HIP1: variants seen among roughly 807,000 people sequenced by gnomAD.
HIP1 encodes the protein huntingtin interacting protein 1, also known as huntingtin-interacting protein 1.
A neutral mutation model predicts 147.6 loss-of-function variants in HIP1; 65 were observed. The observed-to-expected ratio is 0.44, with a 90% CI of 0.36 to 0.54. HIP1 has a LOEUF of 0.54. HIP1 is among the 20% of genes least tolerant of loss of function. The pLI, the probability that HIP1 is intolerant of heterozygous loss-of-function variation, is 0.00. For synonymous variants in HIP1, 479 were observed against 504.0 expected (o/e 0.95, Z 0.67); for missense variants, 1,061 against 1,299.6 (o/e 0.82, Z 2.82).
chr7:75,684,078 A>G (rs2117278359), intron 1 of HIP1, among the ~76,000 whole-genome samples: 1 of 152,132 alleles, frequency 6.6e-6, no homozygotes, highest in South Asian at 2.1e-4. Context: ...CAGGAGTTCG[A>G]GACCAGCCTG....
intron 1 of HIP1, among the ~76,000 whole-genome samples, chr7:75,677,662 T>C (rs1447413845): frequency 6.7e-6 from 1 of 148,410 alleles, no homozygotes; most frequent in Non-Finnish European, 1.5e-5. Context: ...AGGGAATCAC[T>C]AGACAGGTCA....
chr7:75,700,369 C>A (rs574534068), intron 1 of HIP1, among the ~76,000 whole-genome samples: 1 of 152,152 alleles, frequency 6.6e-6, no homozygotes, highest in Non-Finnish European at 1.5e-5. Context: ...CTTGGGAAAC[C>A]TTTTCTGTGG....
At chr7:75,545,641 CAAACA>C (rs782410901) in intron 25 of HIP1, among the ~76,000 whole-genome samples, 5 of 149,630 alleles carry the variant, frequency 3.3e-5, no homozygotes, top group Admixed American at 2.7e-4. Flanking sequence ...GATTCTGTCT[CAAACA>C]AAACAAAACA....
chr7:75,626,754 C>T (rs587725569), intron 1 of HIP1: 1 of 152,228 alleles, frequency 6.6e-6, no homozygotes, highest in East Asian at 1.9e-4. Context: ...TGGTATGGCC[C>T]CATTTTGTTT....
chr7:75,647,681 A>C (rs1244883854), intron 1 of HIP1, among the ~76,000 whole-genome samples: 1 of 152,234 alleles, frequency 6.6e-6, no homozygotes, highest in African/African-American at 2.4e-5. Flanking sequence ...CAGGGTGTGC[A>C]TGGCTGCTCC....
chr7:75,553,476 T>A lies in HIP1; in HGVS notation c.2272A>T (p.Ser758Cys). 1 of 1,614,182 alleles carries A rather than the reference T, an allele frequency of 6.2e-7. No individual in the cohort carries two copies. Among genetic ancestry groups the A allele is most frequent in the South Asian group, 1.1e-5 (1 of 91,092 alleles). ...ADSTAMRNCL[S>C]KIKAIGEELL... Reference sequence around the variant, plus strand: ...ACCTCGCCGATGGCCTTGATCTTGCTCAGGCAGTTCCTCATGGCTGTGCTG... The same window carrying A: ...ACCTCGCCGATGGCCTTGATCTTGCACAGGCAGTTCCTCATGGCTGTGCTG... The change falls in exon 22 of 31, where the codon AGC (serine) becomes TGC (cysteine). Residue 758 changes from serine to cysteine, a missense_variant. Around this residue, in one of 3 missense-constraint regions of HIP1, gnomAD observed 810 missense variants for 946.8 expected, o/e 0.86. Transcript: ENST00000336926.
At chr7:75,727,616 C>T (rs544138901) in intron 1 of HIP1, among the ~76,000 whole-genome samples, 2 of 151,880 alleles carry the variant, frequency 1.3e-5, no homozygotes, top group African/African-American at 2.4e-5. Context: ...GAAGCCCAGG[C>T]GGGTGGATCA....
Position 75,542,861 on chromosome 7 carries a change from G to A in HIP1, c.2880C>T (p.Ile960=), listed in dbSNP as rs377281782. The A allele has an allele frequency of 2.0e-5, 32 of 1,613,918 alleles. No individual in the cohort carries two copies. Among genetic ancestry groups the A allele is most frequent in the African/African-American group, 8.0e-5 (6 of 74,926 alleles). ...VASTISGKSQ[I]EETDNMDFSS... is the part of the protein sequence containing the mutation. ...CTTTGGAAAGGCTACCTGTCTCTTC[G>A]ATCTGTGATTTGCCGGAAATGGTTG... Residue 960 remains isoleucine (I), a synonymous_variant, in exon 28 of 31, where the codon ATC becomes ATT. Coordinates refer to ENST00000336926, the MANE Select transcript of HIP1 (RefSeq NM_005338.7).
intron 1 of HIP1, among the ~76,000 whole-genome samples, chr7:75,696,791 G>A (rs1800655092): frequency 6.6e-6 from 1 of 150,922 alleles, no homozygotes; most frequent in African/African-American, 2.4e-5. Context: ...GTAGAGATAG[G>A]GTTTCACCAT....
chr7:75,652,866 T>C (rs1554512173), intron 1 of HIP1, among the ~76,000 whole-genome samples: 2 of 152,120 alleles, frequency 1.3e-5, no homozygotes, highest in African/African-American at 4.8e-5. Context: ...AAGCTAAAAC[T>C]TACTTCTCCC....
rs1223142013 is a variant in HIP1, at chr7:75,664,091, CAT to C, written c.121-64846_121-64845del. On this transcript the variant is annotated intron_variant, in intron 1 of 30. Transcript: ENST00000336926. ...GTGTATATACACACACATATACACA[CAT>C]ATGTGCATACATACATGTATGCATA... Among the ~76,000 whole-genome samples, 3 of 68,370 alleles carry C rather than the reference CAT, an allele frequency of 4.4e-5. 1 individual carries two copies. The highest frequency in any genetic ancestry group is 8.8e-4 in the South Asian group (2 of 2,274). 44.9% of individuals were successfully genotyped at this position (68,370 alleles called of 152,430 possible).
rs151249237 is a variant in HIP1, at chr7:75,624,779, A to G, written c.121-25532T>C. Among the ~76,000 whole-genome samples the G allele has an allele frequency of 2.0e-3, 303 of 151,994 alleles. 1 individual carries two copies. Among genetic ancestry groups the G allele is most frequent in the African/African-American group, 7.0e-3 (290 of 41,462 alleles). On this transcript the variant is annotated intron_variant, in intron 1 of 30. Coordinates refer to ENST00000336926, the MANE Select transcript of HIP1 (RefSeq NM_005338.7). ...GACCCTCATGCCTTCTCTTCATGCC[A>G]CCTCTCTAACCAAGATTAACTACCC... is the stretch of plus-strand genomic sequence containing the variant.
At chr7:75,605,480 G>A (rs1797189356) in intron 1 of HIP1, among the ~76,000 whole-genome samples, 1 of 152,164 alleles carries the variant, frequency 6.6e-6, no homozygotes, top group Non-Finnish European at 1.5e-5. Context: ...GGCGGCAGCT[G>A]GGGTAGAGCT....
In HIP1 at chr7:75,597,282, C is replaced by T. The variant is rs587601878; in HGVS notation, c.184+1902G>A. 2.6e-5 allele frequency among the ~76,000 whole-genome samples: 4 copies of T among 152,302 alleles called. No homozygotes were observed. In the South Asian group the frequency reaches 8.3e-4, roughly 32 times the overall value. ...AGTTCATATATCACACTAAGCAATGCTGGGCTTCTCTGGCTATCTAACCTG... is the reference window on the plus strand; with the variant it reads ...AGTTCATATATCACACTAAGCAATGTTGGGCTTCTCTGGCTATCTAACCTG... On this transcript the variant is annotated intron_variant, in intron 2 of 30. Transcript: ENST00000336926.
intron 1 of HIP1, among the ~76,000 whole-genome samples, chr7:75,727,705 G>C (rs1554522506): frequency 1.3e-5 from 2 of 151,994 alleles, no homozygotes; most frequent in Non-Finnish European, 2.9e-5. Context: ...AATTATCCGG[G>C]CATGGTGGCA....
intron 1 of HIP1, among the ~76,000 whole-genome samples, chr7:75,634,200 C>T (rs1173069191): frequency 2.6e-5 from 4 of 151,836 alleles, no homozygotes; most frequent in Non-Finnish European, 4.4e-5. Context: ...TTCGAGGCTG[C>T]AGTGAGCTGT....
At position 75,572,329 on chromosome 7, in the gene HIP1, T is replaced by C. The variant is rs79518509; in HGVS notation, c.745+1432A>G. Among the ~76,000 whole-genome samples, 72 of 152,188 alleles carry C rather than the reference T, an allele frequency of 4.7e-4. 1 individual carries two copies. The East Asian group carries it at 0.012, about 25-fold the overall frequency. Reference sequence around the variant, plus strand: ...CAGGGAACTGAAGCTAGGTAAGGGATAGGTCTCCATTTAATGAGCAGCTGT... The same window carrying C: ...CAGGGAACTGAAGCTAGGTAAGGGACAGGTCTCCATTTAATGAGCAGCTGT... On this transcript the variant is annotated intron_variant, in intron 8 of 30. Coordinates refer to ENST00000336926, the MANE Select transcript of HIP1 (RefSeq NM_005338.7).
At chr7:75,555,769 T>G (rs1794978023) in intron 18 of HIP1, among the ~76,000 whole-genome samples, 1 of 151,892 alleles carries the variant, frequency 6.6e-6, no homozygotes, top group Non-Finnish European at 1.5e-5. Context: ...GATGGATCAC[T>G]GCGCCCGCTT....
At position 75,539,311 on chromosome 7, in the gene HIP1, G is replaced by A. The variant is rs1554489390; in HGVS notation, c.3061+12C>T. 1.3e-6 allele frequency: 2 copies of A among 1,599,540 alleles called. No homozygotes were observed. Among genetic ancestry groups the A allele is most frequent in the Non-Finnish European group, 1.7e-6 (2 of 1,166,760 alleles). On this transcript the variant is annotated intron_variant, in intron 30 of 30. Coordinates refer to ENST00000336926, the MANE Select transcript of HIP1 (RefSeq NM_005338.7). ...TGCTGCGGGTTAGTGCCCATCCTTG[G>A]AGTCAGCTTACCTTCTTCCCAGCCC...
Sources: gnomAD v4.1 joint callset for allele counts (sites outside exome capture counted in the v4.1 genomes callset) on GRCh38, gnomAD v4.1.1 for gene constraint, gnomAD v4.1.1 regional missense constraint, MANE v1.5 for transcripts, NCBI Gene and HGNC (gene_info 2026-07-23, HGNC 2026-07-21) for gene names.